KEL: variants seen among roughly 807,000 people sequenced by gnomAD.
KEL encodes kell blood group glycoprotein.
Under a neutral mutation model 99.5 loss-of-function variants are expected in KEL, and 96 were observed. The observed-to-expected ratio is 0.97, with a 90% CI of 0.82 to 1.14. The LOEUF is 1.14. Among genes scored for constraint, KEL ranks in the 50% most tolerant of loss-of-function variants. The pLI is 0.00. For missense variants in KEL, 926 were observed against 924.2 expected (o/e 1.00, Z -0.03); for synonymous variants, 355 against 354.8 (o/e 1.00, Z -0.01).
intron 14 of KEL, 39 bp from the exon 15 acceptor site, chr7:142,943,635 G>T: frequency 6.8e-7 from 1 of 1,466,446 alleles, no homozygotes; most frequent in Non-Finnish European, 9.4e-7. Context: ...CCCCCACCAC[G>T]TATTGCCCTG....
rs373423972 is a variant in KEL at position 142,961,477 on chromosome 7, C to T, written c.106G>A (p.Val36Met). 57 of 1,604,576 alleles carry T rather than the reference C, an allele frequency of 3.6e-5. No homozygotes were observed. Among genetic ancestry groups the T allele is most frequent in the South Asian group, 1.8e-4 (16 of 89,870 alleles). Residue 36 changes from valine (V) to methionine (M), a missense_variant, in exon 3 of 19, where the codon GTG becomes ATG. Coordinates refer to ENST00000355265, the MANE Select transcript of KEL (RefSeq NM_000420.3). ...QESTPEERLP[V>M]EGSRPWAVAR... Reference sequence around the variant, plus strand: ...ACTGCCCATGGCCTGCTCCCTTCCACGGGCAGCCTCTCTTCTGGAGTGCTC... The same window carrying T: ...ACTGCCCATGGCCTGCTCCCTTCCATGGGCAGCCTCTCTTCTGGAGTGCTC...
At position 142,944,754 on chromosome 7, in the gene KEL, G is replaced by T. The variant is rs770667013; in HGVS notation, c.1315-13C>A. 4 of 1,601,160 alleles carry T rather than the reference G, an allele frequency of 2.5e-6. No homozygotes were observed. The highest frequency in any genetic ancestry group is 2.6e-6 in the Non-Finnish European group (3 of 1,168,434). ...ATAATTTCATGGCCTGTGGGAGTGA[G>T]GTCCAGGGACAGGGGGACAGGATCA... is the stretch of plus-strand genomic sequence containing the variant. On this transcript the variant is annotated splice_polypyrimidine_tract_variant and intron_variant, in intron 11 of 18. Transcript: ENST00000355265.
intron 6 of KEL, 22 bp from the exon 7 acceptor site, chr7:142,954,549 G>C: frequency 6.2e-7 from 1 of 1,611,780 alleles, no homozygotes; most frequent in African/African-American, 1.3e-5. Context: ...AGAGACTGGA[G>C]AGAAGCAGGG....
rs377150126 is a variant in KEL at position 142,953,797 on chromosome 7, C to T, written c.1073+11G>A. On this transcript the variant is annotated intron_variant, in intron 9 of 18. Transcript: ENST00000355265. Reference sequence around the variant, plus strand: ...ATTTCCATGATCTCCCCAATCCCACCTGCGGCGAACCTCTGCTTTAGCAGC... The same window carrying T: ...ATTTCCATGATCTCCCCAATCCCACTTGCGGCGAACCTCTGCTTTAGCAGC... 6 of 1,613,930 alleles carry T rather than the reference C, an allele frequency of 3.7e-6. No individual in the cohort carries two copies. In the African/African-American group the frequency reaches 8.0e-5, roughly 22 times the overall value.
intron 17 of KEL, 42 bp from the exon 18 acceptor site, chr7:142,942,571 C>G: frequency 1.5e-5 from 21 of 1,440,444 alleles, no homozygotes; most frequent in Non-Finnish European, 2.0e-5. Flanking sequence ...GGCTCTAGAC[C>G]TGTGGCCATT....
intron 17 of KEL, 52 bp from the exon 18 acceptor site, chr7:142,942,581 T>C (rs1363875321): frequency 1.5e-6 from 2 of 1,365,216 alleles, no homozygotes; most frequent in African/African-American, 2.9e-5. Context: ...CTGTGGCCAT[T>C]TGAAAGTCCC....
chr7:142,948,369 C>G (rs1796587358), intron 10 of KEL, among the ~76,000 whole-genome samples: 1 of 151,976 alleles, frequency 6.6e-6, no homozygotes, highest in Non-Finnish European at 1.5e-5. Flanking sequence ...ACTCAGTGGA[C>G]TAATTTTAGG....
At chr7:142,953,355 T>C in intron 9 of KEL, 4 of 985,004 alleles carry the variant, frequency 4.1e-6, no homozygotes, top group Non-Finnish European at 4.8e-6. Context: ...CTCCTCTTCC[T>C]TTCTTCCCCT....
intron 10 of KEL, 126 bp from the exon 11 acceptor site, chr7:142,946,443 GT>G: frequency 1.3e-6 from 1 of 762,552 alleles, no homozygotes; most frequent in Non-Finnish European, 2.3e-6. Flanking sequence ...GGTTTCATCT[GT>G]TTACTATCCC....
chr7:142,956,763 C>A (rs1435913812), intron 6 of KEL, among the ~76,000 whole-genome samples: 1 of 152,176 alleles, frequency 6.6e-6, no homozygotes, highest in Non-Finnish European at 1.5e-5. Flanking sequence ...TTAACCGGCC[C>A]CTAAAGGCCA....
At position 142,961,938 on chromosome 7, in the gene KEL, T is replaced by A. The variant is rs1340250629; in HGVS notation, c.4-66A>T. 6.8e-5 allele frequency: 109 copies of A among 1,599,686 alleles called. 1 individual carries two copies. Among genetic ancestry groups the A allele is most frequent in the Non-Finnish European group, 9.2e-5 (107 of 1,168,062 alleles). On this transcript the variant is annotated intron_variant, in intron 1 of 18. Transcript: ENST00000355265. ...TCAGGAAATGGTGCATTGAAGAGAGTTTTATCAGGCCATTTTGATACCCTC... is the reference window on the plus strand; with the variant it reads ...TCAGGAAATGGTGCATTGAAGAGAGATTTATCAGGCCATTTTGATACCCTC...
In KEL at chr7:142,943,009, C is replaced by T. The variant is rs1796409362; in HGVS notation, c.1807G>A (p.Ala603Thr). The T allele has an allele frequency of 6.2e-7, 1 of 1,614,082 alleles. No individual in the cohort carries two copies. Among genetic ancestry groups the T allele is most frequent in the Non-Finnish European group, 8.5e-7 (1 of 1,180,046 alleles). ...AGGCACAGGTGAGCTTCCTGGAGGG[C>T]ATGGTTGTCACAGGCGAGGCAGCCC... ...PGGCLACDNH[A>T]LQEAHLCLKR... The change falls in exon 17 of 19, where the codon GCC becomes ACC. Residue 603 changes from alanine to threonine, a missense_variant. Coordinates refer to ENST00000355265, the MANE Select transcript of KEL (RefSeq NM_000420.3).
In KEL at chr7:142,954,307, C is replaced by T. The variant is rs769302654; in HGVS notation, c.801G>A (p.Lys267=). The change falls in exon 8 of 19, where the codon AAG becomes AAA. Residue 267 remains lysine (K), a synonymous_variant. Transcript: ENST00000355265. ...LGTLLGGDPS[K]VQEHSSLSIS... Reference sequence around the variant, plus strand: ...TTGACAAGGAAGAGTGTTCTTGCACCTTGCTTGGGTCTCCTCCCAGCAAGG... The same window carrying T: ...TTGACAAGGAAGAGTGTTCTTGCACTTTGCTTGGGTCTCCTCCCAGCAAGG... 2.5e-6 allele frequency: 4 copies of T among 1,613,972 alleles called. No homozygotes were observed. In the Admixed American group the frequency reaches 5.0e-5, roughly 20 times the overall value.
chr7:142,944,660 T>G lies in KEL; in HGVS notation c.1396A>C (p.Asn466His). The G allele has an allele frequency of 6.2e-7, 1 of 1,613,886 alleles. No individual in the cohort carries two copies. Among genetic ancestry groups the G allele is most frequent in the Non-Finnish European group, 8.5e-7 (1 of 1,179,810 alleles). The change falls in exon 12 of 19, where the codon AAC (asparagine) becomes CAC (histidine). Residue 466 changes from asparagine to histidine, a missense_variant. Transcript: ENST00000355265. ...NLPWMNEETQ[N>H]MAQDKVAQLQ... ...GGCCTGACCTTGTCCTGGGCCATGT[T>G]CTGGGTCTCCTCATTCATCCAGGGA...
In KEL at chr7:142,943,497, A is replaced by C; in HGVS notation, c.1692T>G (p.Pro564=). Reference sequence around the variant, plus strand: ...AGAGTGACCCATACCTGGGATAGCCAGGGTGGAAGAATGGGGGTTGGAGGA... The same window carrying C: ...AGAGTGACCCATACCTGGGATAGCCCGGGTGGAAGAATGGGGGTTGGAGGA... ...AGLLQPPFFH[P]GYPRAVNFGA... is the part of the protein sequence containing the mutation. Residue 564 remains proline, a synonymous_variant, in exon 15 of 19, where the codon CCT becomes CCG. Transcript: ENST00000355265. 7 of 1,613,880 alleles carry C rather than the reference A, an allele frequency of 4.3e-6. No homozygotes were observed. Among genetic ancestry groups the C allele is most frequent in the Non-Finnish European group, 5.9e-6 (7 of 1,179,718 alleles).
At chr7:142,961,335 T>G (rs1039282934) in intron 3 of KEL, 25 bp downstream of exon 3, 2 of 1,612,164 alleles carry the variant, frequency 1.2e-6, no homozygotes, top group Non-Finnish European at 1.7e-6. Flanking sequence ...GCTGACTAGG[T>G]TAGGGGGTCT....
At chr7:142,959,191 G>A (rs1318844682) in intron 4 of KEL, among the ~76,000 whole-genome samples, 2 of 151,986 alleles carry the variant, frequency 1.3e-5, no homozygotes, top group Non-Finnish European at 1.5e-5. Flanking sequence ...TCTTTTTGTC[G>A]GCAGGAGAAT....
intron 18 of KEL, 125 bp downstream of exon 18, chr7:142,942,309 G>A (rs572193553): frequency 3.9e-4 from 269 of 698,692 alleles, no homozygotes; most frequent in Admixed American, 7.4e-4. Context: ...TAACAGTGAG[G>A]ACATCTGCAG....
At chr7:142,948,148 C>A (rs1796581702) in intron 10 of KEL, among the ~76,000 whole-genome samples, 1 of 152,080 alleles carries the variant, frequency 6.6e-6, no homozygotes, top group Non-Finnish European at 1.5e-5. Context: ...CTCCAACATG[C>A]TTTGCCGTGG....
Sources: gnomAD v4.1 joint callset for allele counts (sites outside exome capture counted in the v4.1 genomes callset) on GRCh38, gnomAD v4.1.1 for gene constraint, MANE v1.5 for transcripts, NCBI Gene and HGNC (gene_info 2026-07-23, HGNC 2026-07-21) for gene names.